RAB40C: variants seen among roughly 807,000 people sequenced by gnomAD.
RAB40C encodes the protein RAB40C, member RAS oncogene family.
RAB40C carries 8 observed loss-of-function variants against 28.1 expected under a neutral mutation model. That is an observed-to-expected ratio of 0.28 (90% CI 0.17 to 0.51). The LOEUF is 0.51. Ranked by LOEUF, RAB40C falls within the 20% of genes least tolerant of loss-of-function variation. The pLI is 0.97. For missense variants in RAB40C, 288 were observed against 405.9 expected (o/e 0.71, Z 2.50); for synonymous variants, 201 against 171.7 (o/e 1.17, Z -1.34).
chr16:613,258 G>A (rs936218578), intron 1 of RAB40C, among the ~76,000 whole-genome samples: 1 of 148,132 alleles, frequency 6.8e-6, no homozygotes, highest in Non-Finnish European at 1.5e-5. Context: ...AGCCGCCCTG[G>A]CCTGTAGCAT....
chr16:613,649 A>G (rs563442169), intron 1 of RAB40C, among the ~76,000 whole-genome samples: 2 of 152,292 alleles, frequency 1.3e-5, no homozygotes, highest in East Asian at 3.9e-4. Flanking sequence ...GGAAATGTCT[A>G]TTCAAGTCCT....
Position 598,586 on chromosome 16 carries a change from AAG to A in RAB40C, c.142+8155_142+8156del, listed in dbSNP as rs1171333268. On this transcript the variant is annotated intron_variant, in intron 1 of 5. Coordinates refer to ENST00000248139, the MANE Select transcript of RAB40C (RefSeq NM_021168.5). ...CAAAAAAAAAAAAAAAAAAAGAAAA[AAG>A]AAAATTAGCTGGGTGTGGTGGTGCA... Among the ~76,000 whole-genome samples the A allele has an allele frequency of 2.2e-3, 326 of 150,672 alleles. 2 individuals are homozygous for A. The highest frequency in any genetic ancestry group is 7.6e-3 in the African/African-American group (311 of 41,104).
At chr16:626,603 G>C (rs1285046664) in intron 5 of RAB40C, among the ~76,000 whole-genome samples, 3 of 152,208 alleles carry the variant, frequency 2.0e-5, no homozygotes, top group African/African-American at 7.2e-5. Context: ...GTTCACTGCT[G>C]AACAGAGAGA....
chr16:622,245 T>G (rs1306226063), intron 3 of RAB40C, among the ~76,000 whole-genome samples: 1 of 152,136 alleles, frequency 6.6e-6, no homozygotes, highest in Non-Finnish European at 1.5e-5. Flanking sequence ...GGTGTAAACG[T>G]GCTCAGATGC....
intron 3 of RAB40C, among the ~76,000 whole-genome samples, chr16:619,757 C>T (rs1016641544): frequency 2.0e-5 from 3 of 152,288 alleles, no homozygotes; most frequent in Non-Finnish European, 4.4e-5. Context: ...CAGGTGGGTC[C>T]GCTCTGGGCA....
Position 627,253 on chromosome 16 carries a change from C to T in RAB40C, c.566-89C>T, listed in dbSNP as rs971463904. 2.7e-5 allele frequency: 36 copies of T among 1,347,920 alleles called. No homozygotes were observed. The African/African-American group carries it at 2.9e-4, about 11-fold the overall frequency. 83.5% of individuals were successfully genotyped at this position (1,347,920 alleles called of 1,614,324 possible). On this transcript the variant is annotated intron_variant, in intron 5 of 5. Transcript: ENST00000248139. ...AACACCTCTAGGAGTGTGGAGACCCCGCCAGGCTTCTCTTGGGCACCTCAG... is the reference window on the plus strand; with the variant it reads ...AACACCTCTAGGAGTGTGGAGACCCTGCCAGGCTTCTCTTGGGCACCTCAG...
chr16:596,340 C>G (rs2036124090), intron 1 of RAB40C: 1 of 455,982 alleles, frequency 2.2e-6, no homozygotes, highest in Admixed American at 2.3e-5. Context: ...AGGCGCGAAG[C>G]TGCTGGTCCC....
Position 618,099 on chromosome 16 carries a change from C to T in RAB40C, c.204-101C>T, listed in dbSNP as rs142819617. On this transcript the variant is annotated intron_variant, in intron 2 of 5. Coordinates refer to ENST00000248139, the MANE Select transcript of RAB40C (RefSeq NM_021168.5). ...TCATTGGCACCTGTCCTGGCCGCCC[C>T]GCTCCCCTCAGGACATCCAGGTGGG... The T allele has an allele frequency of 1.4e-3, 1,620 of 1,157,192 alleles. 19 individuals carry two copies. In the African/African-American group the frequency reaches 0.022, roughly 16 times the overall value. 71.7% of individuals were successfully genotyped at this position (1,157,192 alleles called of 1,614,324 possible). A position where few individuals can be genotyped will look rare whatever the true frequency, so the allele number is the denominator to read the frequency against.
At chr16:617,144 C>G (rs1430804985) in intron 1 of RAB40C, 64 bp from the exon 2 acceptor site, 3 of 1,567,268 alleles carry the variant, frequency 1.9e-6, no homozygotes, top group South Asian at 1.1e-5. Context: ...GTGGCCGAGG[C>G]TGGTCTCGCG....
upstream of RAB40C, chr16:589,778 A>C (rs1264658503): frequency 1.3e-5 from 2 of 152,094 alleles, no homozygotes; most frequent in Non-Finnish European, 2.9e-5. Flanking sequence ...GACGGCGATG[A>C]GGCAGGCGTC....
intron 4 of RAB40C, 37 bp from the exon 5 acceptor site, chr16:625,862 C>A: frequency 6.4e-7 from 1 of 1,564,488 alleles, no homozygotes. Flanking sequence ...TGGGTGGCAC[C>A]CTGCGTTTGT....
At chr16:616,270 A>G (rs912588207) in intron 1 of RAB40C, among the ~76,000 whole-genome samples, 16 of 151,834 alleles carry the variant, frequency 1.1e-4, no homozygotes, top group African/African-American at 3.6e-4. Context: ...AAAAAAAAAA[A>G]TACCAATGTG....
intron 3 of RAB40C, chr16:625,166 T>C: frequency 7.2e-7 from 1 of 1,385,086 alleles, no homozygotes; most frequent in Non-Finnish European, 9.5e-7. Flanking sequence ...CACAGGCTGA[T>C]GGCTCCAGGG....
intron 1 of RAB40C, among the ~76,000 whole-genome samples, chr16:603,164 A>C (rs1225390912): frequency 1.3e-5 from 2 of 152,180 alleles, no homozygotes; most frequent in African/African-American, 4.8e-5. Context: ...CTTTGTAGAC[A>C]CGAGAGCCCT....
Position 602,074 on chromosome 16 carries a change from C to T in RAB40C, c.142+11641C>T, listed in dbSNP as rs574458827. On this transcript the variant is annotated intron_variant, in intron 1 of 5. Transcript: ENST00000248139. The stretch of plus-strand genomic sequence containing the variant: ...CCAGGAGGCAGAGGTTGCAGTGAGC[C>T]GAGATTGCACCACTGCACTCCAGCC... 8.6e-5 allele frequency among the ~76,000 whole-genome samples: 13 copies of T among 152,040 alleles called. No individual in the cohort carries two copies. The East Asian group carries it at 1.7e-3, about 20-fold the overall frequency.
At chr16:613,778 G>C (rs2036530347) in intron 1 of RAB40C, among the ~76,000 whole-genome samples, 2 of 152,022 alleles carry the variant, frequency 1.3e-5, no homozygotes, top group South Asian at 4.1e-4. Flanking sequence ...CAACACCCAG[G>C]TCTAGACCCA....
intron 1 of RAB40C, among the ~76,000 whole-genome samples, chr16:597,025 G>C (rs561184275): frequency 9.2e-5 from 14 of 152,218 alleles, no homozygotes; most frequent in Non-Finnish European, 1.6e-4. Context: ...GCTGTGGAGA[G>C]GTAGGGACCC....
At chr16:615,556 C>A (rs904098606) in intron 1 of RAB40C, among the ~76,000 whole-genome samples, 1 of 152,170 alleles carries the variant, frequency 6.6e-6, no homozygotes, top group Non-Finnish European at 1.5e-5. Flanking sequence ...TCCAGAGGGC[C>A]CAGAGCCTGT....
At chr16:617,139 C>T (rs930134341) in intron 1 of RAB40C, 69 bp from the exon 2 acceptor site, 75 of 1,551,450 alleles carry the variant, frequency 4.8e-5, no homozygotes, top group Middle Eastern at 2.3e-4. Context: ...GGCCAGTGGC[C>T]GAGGCTGGTC....
Sources: allele counts gnomAD v4.1 joint callset (sites outside exome capture counted in the v4.1 genomes callset), GRCh38; gene constraint gnomAD v4.1.1; transcripts MANE v1.5; gene names NCBI Gene and HGNC (gene_info 2026-07-23, HGNC 2026-07-21).